The following CLSTN3 variants were observed in gnomAD, a reference collection of about 807,000 sequenced individuals.
CLSTN3 encodes calsyntenin-3.
In CLSTN3, 36 loss-of-function variants were observed where a neutral mutation model predicts 95.9. That is an observed-to-expected ratio of 0.38 (90% CI 0.29 to 0.50). The LOEUF is 0.50. Ranked by LOEUF, CLSTN3 falls within the 20% of genes least tolerant of loss-of-function variation. CLSTN3 has a pLI of 0.95. For missense variants in CLSTN3, 1,084 were observed against 1,268.8 expected (o/e 0.85, Z 2.21); for synonymous variants, 481 against 504.0 (o/e 0.95, Z 0.61).
At chr12:7,155,511 G>A (rs1231768698) in intron 16 of CLSTN3, among the ~76,000 whole-genome samples, 1 of 152,238 alleles carries the variant, frequency 6.6e-6, no homozygotes, top group African/African-American at 2.4e-5. Flanking sequence ...CTCTGAGGGT[G>A]GGGTCACCAC....
intron 1 of CLSTN3, chr12:7,131,129 GC>G (rs1565647367): frequency 6.4e-6 from 2 of 312,306 alleles, no homozygotes; most frequent in Non-Finnish European, 1.2e-5. Context: ...CATCTGCTTC[GC>G]CTCCATCCCA....
Position 7,137,228 on chromosome 12 carries a change from C to T in CLSTN3, c.1210+118C>T, listed in dbSNP as rs139880549. ...TTCCCCTCTCTTCATTTGTGAGGTG[C>T]AAGTGCCAGGTGTGATATGCCTTGA... On this transcript the variant is annotated intron_variant, in intron 7 of 17. Coordinates refer to ENST00000266546, the MANE Select transcript of CLSTN3 (RefSeq NM_014718.4). This position sits in a 1 kb window ranked among gnomAD's most constrained non-coding sequence, Gnocchi z 4.4. 5.6e-3 allele frequency: 5,724 copies of T among 1,023,464 alleles called. 59 individuals are homozygous for T. Among genetic ancestry groups the T allele is most frequent in the South Asian group, 0.028 (1,736 of 63,014 alleles). The allele number at this position is 1,023,464 out of a possible 1,614,324, so 63.4% of individuals were successfully genotyped here. A position where few individuals can be genotyped will look rare whatever the true frequency, so the allele number is the denominator to read the frequency against.
chr12:7,130,809 G>A, intron 1 of CLSTN3, 97 bp downstream of exon 1: 1 of 1,106,946 alleles, frequency 9.0e-7, no homozygotes, highest in Non-Finnish European at 1.3e-6. Context: ...CCTGGCACCT[G>A]ACAGGTGTCT....
At chr12:7,134,976 C>T (rs1168665958) in intron 3 of CLSTN3, among the ~76,000 whole-genome samples, 1 of 152,140 alleles carries the variant, frequency 6.6e-6, no homozygotes, top group Non-Finnish European at 1.5e-5. Flanking sequence ...TGCTGACTGC[C>T]TCAGTCTCAG....
Position 7,157,682 on chromosome 12 carries a change from C to T in CLSTN3, c.2721C>T (p.Asn907=), listed in dbSNP as rs371080216. 21 of 1,585,248 alleles carry T rather than the reference C, an allele frequency of 1.3e-5. No individual in the cohort carries two copies. In the African/African-American group the frequency reaches 2.6e-4, roughly 19 times the overall value. Residue 907 remains asparagine, a synonymous_variant, in exon 17 of 18, where the codon AAC becomes AAT. Transcript: ENST00000266546. The surrounding 1 kb of genome is among the most constrained non-coding windows in gnomAD (Gnocchi z 5.9). Reference sequence around the variant, plus strand: ...ACTCAGCTCTCACCATCATTGTGAACCCCATGGAGGTGAGAGGCCTGGGGA... The same window carrying T: ...ACTCAGCTCTCACCATCATTGTGAATCCCATGGAGGTGAGAGGCCTGGGGA... ...WDDSALTIIV[N]PMESYQNRQS...
In CLSTN3 at chr12:7,130,678, G is replaced by T; in HGVS notation, c.30G>T (p.Leu10=). The part of the protein sequence containing the change: MTLLLLPLL[L]ASLLASCSCN... The stretch of plus-strand genomic sequence containing the variant: ...CCCTCCTGCTGCTGCCCCTTCTGCT[G>T]GCCTCTCTGCTCGCGTCCTGCTCCT... Residue 10 remains leucine (L), a synonymous_variant, in exon 1 of 18, where the codon CTG becomes CTT. Coordinates refer to ENST00000266546, the MANE Select transcript of CLSTN3 (RefSeq NM_014718.4). 1 of 1,575,152 alleles carries T rather than the reference G, an allele frequency of 6.3e-7. No individual in the cohort carries two copies.
intron 8 of CLSTN3, among the ~76,000 whole-genome samples, chr12:7,138,273 T>TAAAAAAAAAAAA (rs1032125660): frequency 2.7e-5 from 4 of 148,062 alleles, no homozygotes; most frequent in African/African-American, 9.9e-5. Context: ...CTTCTGGATT[T>TAAAAAAAAAAAA]AAAAAAAAAA....
At position 7,150,005 on chromosome 12, in the gene CLSTN3, A is replaced by T. The variant is rs770224669; in HGVS notation, c.2245+312A>T. 4.7e-4 allele frequency among the ~76,000 whole-genome samples: 72 copies of T among 152,166 alleles called. No homozygotes were observed. The highest frequency in any genetic ancestry group is 7.4e-5 in the Non-Finnish European group (5 of 68,002). On this transcript the variant is annotated intron_variant, in intron 14 of 17. Coordinates refer to ENST00000266546, the MANE Select transcript of CLSTN3 (RefSeq NM_014718.4). This position sits in a 1 kb window ranked among gnomAD's most constrained non-coding sequence, Gnocchi z 4.0. ...TCGGCTCATCTCTGCCCAGCTTTCT[A>T]ACCCTCTAGCTGTCTGTTTGTTACC...
chr12:7,150,534 T>A lies in CLSTN3; in HGVS notation c.2246-10T>A. On this transcript the variant is annotated splice_polypyrimidine_tract_variant and intron_variant, in intron 14 of 17. Coordinates refer to ENST00000266546, the MANE Select transcript of CLSTN3 (RefSeq NM_014718.4). The surrounding 1 kb of genome is among the most constrained non-coding windows in gnomAD (Gnocchi z 4.0). The stretch of plus-strand genomic sequence containing the variant: ...CTGGCCCCTGCCCTGAGGTGCTTCC[T>A]CATCTCCAGGGGTGGAGAGCATCAC... 6.2e-7 allele frequency: 1 copy of A among 1,604,360 alleles called. No individual in the cohort carries two copies. The highest frequency in any genetic ancestry group is 8.5e-7 in the Non-Finnish European group (1 of 1,172,558).
Position 7,143,205 on chromosome 12 carries a change from G to T in CLSTN3, c.1741G>T (p.Asp581Tyr). Residue 581 changes from aspartate to tyrosine, a missense_variant, in exon 12 of 18, where the codon GAT becomes TAT. Transcript: ENST00000266546. Reference protein sequence around the residue: ...PSQSLLTLEGDDVETFNHALQ... With the variant: ...PSQSLLTLEGYDVETFNHALQ... ...ACAGTCCCTGCTCACCCTGGAGGGG[G>T]ATGATGTGGAGACCTTCAACCATGC... The T allele has an allele frequency of 1.2e-6, 2 of 1,614,142 alleles. No individual in the cohort carries two copies. The highest frequency in any genetic ancestry group is 1.7e-6 in the Non-Finnish European group (2 of 1,180,026).
rs1228142513 is a variant in CLSTN3 at position 7,136,937 on chromosome 12, T to C, written c.1037T>C (p.Phe346Ser). Residue 346 changes from phenylalanine to serine, a missense_variant, in exon 7 of 18, where the codon TTC becomes TCC. Physicochemically the swap from Phe to Ser is radical, Grantham distance 155 (BLOSUM62 -2). Transcript: ENST00000266546. ...CAGGACAGCAGCCTGATCTACTGGTTCAATGGCACCCAGGCTGTGCAGGTG... is the reference window on the plus strand; with the variant it reads ...CAGGACAGCAGCCTGATCTACTGGTCCAATGGCACCCAGGCTGTGCAGGTG... Reference protein sequence around the residue: ...YSQDSSLIYWFNGTQAVQVPL... With the variant: ...YSQDSSLIYWSNGTQAVQVPL... 6.2e-7 allele frequency: 1 copy of C among 1,613,988 alleles called. No homozygotes were observed. The highest frequency in any genetic ancestry group is 1.3e-5 in the African/African-American group (1 of 74,918).
chr12:7,153,541 A>G (rs1939762645), intron 16 of CLSTN3, among the ~76,000 whole-genome samples: 1 of 152,234 alleles, frequency 6.6e-6, no homozygotes, highest in South Asian at 2.1e-4. Context: ...CAAGCTGCAA[A>G]GATTAGAGAA....
upstream of CLSTN3, chr12:7,129,965 T>G (rs1939248034): frequency 7.5e-6 from 2 of 265,724 alleles, no homozygotes; most frequent in Non-Finnish European, 1.2e-5. This position sits in a 1 kb window ranked among gnomAD's most constrained non-coding sequence, Gnocchi z 5.5. Context: ...GACTGAGGGT[T>G]TTACTTCACC....
intron 8 of CLSTN3, 93 bp downstream of exon 8, chr12:7,138,160 T>C (rs888646474): frequency 3.4e-6 from 3 of 876,438 alleles, no homozygotes; most frequent in Non-Finnish European, 5.5e-6. Context: ...ATTTTCTGGG[T>C]TCCCCCTTGC....
At position 7,149,107 on chromosome 12, in the gene CLSTN3, C is replaced by T. The variant is rs1044033611; in HGVS notation, c.1983C>T (p.Thr661=). 5.6e-6 allele frequency: 9 copies of T among 1,614,074 alleles called. No individual in the cohort carries two copies. The highest frequency in any genetic ancestry group is 1.3e-5 in the African/African-American group (1 of 74,932). ...FARPAVDFEG[T]NGVPLFPDLQ... ...GCCCAGCTGTGGACTTTGAGGGAAC[C>T]AACGGCGTCCCTTTGTTCCCTGATC... The change falls in exon 13 of 18, where the codon ACC becomes ACT. Residue 661 remains threonine, a synonymous_variant. Coordinates refer to ENST00000266546, the MANE Select transcript of CLSTN3 (RefSeq NM_014718.4). The surrounding 1 kb of genome is among the most constrained non-coding windows in gnomAD (Gnocchi z 4.5).
intron 16 of CLSTN3, among the ~76,000 whole-genome samples, chr12:7,151,706 A>G (rs1225925165): frequency 6.6e-6 from 1 of 152,154 alleles, no homozygotes; most frequent in African/African-American, 2.4e-5. Flanking sequence ...TTTATTTTCA[A>G]CTTTTGAGTT....
chr12:7,133,136 G>A lies in CLSTN3; in HGVS notation c.177G>A (p.Leu59=), dbSNP rs1464528157. Residue 59 remains leucine (L), a synonymous_variant, in exon 2 of 18, where the codon CTG becomes CTA. Transcript: ENST00000266546. The surrounding 1 kb of genome is among the most constrained non-coding windows in gnomAD (Gnocchi z 4.7). ...TTGCCTTGGACAAGGATGCCCCGCT[G>A]CGCTATGCAGGTAATTGGGATTGGG... ...PLFALDKDAP[L]RYAGEICGFR... is the part of the protein sequence containing the mutation. 1.2e-6 allele frequency: 2 copies of A among 1,614,128 alleles called. No individual in the cohort carries two copies. Among genetic ancestry groups the A allele is most frequent in the Admixed American group, 3.3e-5 (2 of 60,012 alleles).
chr12:7,142,594 C>T lies in CLSTN3; in HGVS notation c.1541-275C>T, dbSNP rs1304581165. On this transcript the variant is annotated intron_variant, in intron 10 of 17. Transcript: ENST00000266546. Reference sequence around the variant, plus strand: ...CTCTTCCTCCCTCTCATCTTTGTTGCTTCTACTTTTCACCCTTCTTCTTCT... The same window carrying T: ...CTCTTCCTCCCTCTCATCTTTGTTGTTTCTACTTTTCACCCTTCTTCTTCT... Among the ~76,000 whole-genome samples the T allele has an allele frequency of 3.3e-5, 5 of 151,766 alleles. No individual in the cohort carries two copies. The East Asian group carries it at 9.7e-4, about 29-fold the overall frequency.
At chr12:7,148,189 A>C (rs1939658242) in intron 12 of CLSTN3, among the ~76,000 whole-genome samples, 1 of 125,046 alleles carries the variant, frequency 8.0e-6, no homozygotes, top group Non-Finnish European at 1.7e-5. Flanking sequence ...AGAAAGAAAG[A>C]AAGAAAGAAA....
Sources: gnomAD v4.1 joint callset for allele counts (sites outside exome capture counted in the v4.1 genomes callset) on GRCh38, gnomAD v4.1.1 for gene constraint, Gnocchi (gnomAD v3.1) non-coding constraint, MANE v1.5 for transcripts, NCBI Gene and HGNC (gene_info 2026-07-23, HGNC 2026-07-21) for gene names.